The following ADAM32 variants were observed in gnomAD, a reference collection of about 807,000 sequenced individuals.
ADAM32 encodes the protein ADAM metallopeptidase domain 32, also known as disintegrin and metalloproteinase domain-containing protein 32.
In ADAM32, 89 loss-of-function variants were observed where a neutral mutation model predicts 114.9. The ratio of observed to expected loss-of-function variants is 0.77; its 90% CI spans 0.65 to 0.92. The LOEUF (loss-of-function observed/expected upper bound fraction) is 0.92. Ranked by LOEUF, ADAM32 falls within the 40% of genes least tolerant of loss-of-function variation. The probability of loss-of-function intolerance (pLI) is 0.00; values close to 1 mark genes in which losing one functional copy is unlikely to be tolerated. For missense variants in ADAM32, 870 were observed against 932.8 expected, an observed-to-expected ratio of 0.93 and a Z score of 0.88; for synonymous variants, 285 against 307.5, an observed-to-expected ratio of 0.93 and a Z score of 0.77.
Position 39,230,528 on chromosome 8 carries a change from CTT to C in ADAM32, c.1526-1498_1526-1497del, listed in dbSNP as rs562576973. 2.6e-5 allele frequency among the ~76,000 whole-genome samples: 4 copies of C among 152,268 alleles called. No individual in the cohort carries two copies. The South Asian group carries it at 8.3e-4, about 32-fold the overall frequency. On this transcript the variant is annotated intron_variant, in intron 14 of 24. Transcript: ENST00000379907. ...CTAAACTGAATTTTCAAATTCCTTT[CTT>C]CGGATAATCTCTCAGTGTTTAACAA... is the stretch of plus-strand genomic sequence containing the variant.
At chr8:39,181,616 T>A (rs1211629196) in intron 10 of ADAM32, among the ~76,000 whole-genome samples, 1 of 152,232 alleles carries the variant, frequency 6.6e-6, no homozygotes, top group Non-Finnish European at 1.5e-5. Context: ...AAGACTAATG[T>A]ATCATATTTT....
chr8:39,163,902 A>G (rs913008335), intron 7 of ADAM32, among the ~76,000 whole-genome samples: 1 of 152,218 alleles, frequency 6.6e-6, no homozygotes, highest in African/African-American at 2.4e-5. Context: ...GTGATGTACT[A>G]TAGAGAGTTT....
At chr8:39,166,879 G>A (rs1804873674) in intron 9 of ADAM32, 1 of 151,866 alleles carries the variant, frequency 6.6e-6, no homozygotes, top group African/African-American at 2.4e-5. Flanking sequence ...CTTTTTGATG[G>A]GATTGTTTGT....
chr8:39,199,646 A>T (rs1471161210), intron 11 of ADAM32, among the ~76,000 whole-genome samples: 3 of 151,784 alleles, frequency 2.0e-5, no homozygotes, highest in African/African-American at 7.3e-5. Flanking sequence ...TTATACCTTA[A>T]GTTCTAGGGT....
At chr8:39,143,168 G>C (rs916020653) in intron 3 of ADAM32, among the ~76,000 whole-genome samples, 5 of 152,078 alleles carry the variant, frequency 3.3e-5, no homozygotes, top group Admixed American at 6.5e-5. Flanking sequence ...CTTTAGCTTG[G>C]AGAAATTTGT....
At chr8:39,189,692 T>C (rs1395746776) in intron 11 of ADAM32, among the ~76,000 whole-genome samples, 1 of 152,180 alleles carries the variant, frequency 6.6e-6, no homozygotes, top group Non-Finnish European at 1.5e-5. Flanking sequence ...TACTTTGCTA[T>C]TGAACACTAG....
chr8:39,280,151 A>AT (rs1158239133), intron 22 of ADAM32, among the ~76,000 whole-genome samples: 3 of 152,204 alleles, frequency 2.0e-5, no homozygotes, highest in Non-Finnish European at 2.9e-5. Context: ...AAACTGCTCC[A>AT]TTGCAGCTTT....
chr8:39,215,780 C>A (rs2129448553), intron 12 of ADAM32, among the ~76,000 whole-genome samples: 1 of 151,912 alleles, frequency 6.6e-6, no homozygotes, highest in South Asian at 2.1e-4. Context: ...TTTTTGAATG[C>A]TTGAAGATTT....
At chr8:39,125,546 T>G (rs1802062618) in intron 2 of ADAM32, among the ~76,000 whole-genome samples, 1 of 152,212 alleles carries the variant, frequency 6.6e-6, no homozygotes, top group South Asian at 2.1e-4. Flanking sequence ...TTCTTCATCC[T>G]AGGGGTACTC....
At chr8:39,206,725 A>C (rs1250344403) in intron 11 of ADAM32, among the ~76,000 whole-genome samples, 1 of 152,140 alleles carries the variant, frequency 6.6e-6, no homozygotes, top group African/African-American at 2.4e-5. Flanking sequence ...ACACAACTAC[A>C]TTCCTGGGTC....
At chr8:39,238,147 T>C (rs1390441387) in intron 16 of ADAM32, among the ~76,000 whole-genome samples, 1 of 152,232 alleles carries the variant, frequency 6.6e-6, no homozygotes, top group East Asian at 1.9e-4. Flanking sequence ...TAAACAAGAC[T>C]ATAACCAAGG....
At chr8:39,129,164 A>C (rs1275522454) in intron 2 of ADAM32, among the ~76,000 whole-genome samples, 3 of 151,224 alleles carry the variant, frequency 2.0e-5, no homozygotes, top group African/African-American at 7.3e-5. Context: ...AGTTTCTACA[A>C]ACAGGATCAT....
At chr8:39,131,915 T>C in intron 2 of ADAM32, 1 of 199,710 alleles carries the variant, frequency 5.0e-6, no homozygotes, top group Non-Finnish European at 1.1e-5. Context: ...TTTTTTGAGA[T>C]GGAGTTTCGC....
chr8:39,257,864 A>G (rs1309976376), intron 19 of ADAM32, among the ~76,000 whole-genome samples: 2 of 152,154 alleles, frequency 1.3e-5, no homozygotes, highest in Non-Finnish European at 1.5e-5. Context: ...CTTGCCCACC[A>G]TGGGAAATAA....
chr8:39,246,018 C>T, intron 16 of ADAM32, 65 bp from the exon 17 acceptor site: 1 of 1,217,106 alleles, frequency 8.2e-7, no homozygotes. Context: ...TAATTATTTA[C>T]TGTAATGTTA....
chr8:39,206,319 C>T lies in ADAM32; in HGVS notation c.1053-4825C>T, dbSNP rs920667123. ...AGCCTTCAGGTGGCATAGAAAGGCA[C>T]CAGTGATGGTGGTTTTGAGTGGATT... On this transcript the variant is annotated intron_variant, in intron 11 of 24. Transcript: ENST00000379907. 5.3e-5 allele frequency among the ~76,000 whole-genome samples: 8 copies of T among 152,128 alleles called. 1 individual carries two copies. The highest frequency in any genetic ancestry group is 1.9e-4 in the African/African-American group (8 of 41,414).
At chr8:39,115,763 T>C (rs1840349517) in intron 1 of ADAM32, among the ~76,000 whole-genome samples, 1 of 152,226 alleles carries the variant, frequency 6.6e-6, no homozygotes, top group Non-Finnish European at 1.5e-5. Context: ...CACTTCTCAA[T>C]TTTTGTTTTT....
At chr8:39,254,760 TA>T (rs1312101606) in intron 18 of ADAM32, among the ~76,000 whole-genome samples, 6 of 151,824 alleles carry the variant, frequency 4.0e-5, no homozygotes, top group Non-Finnish European at 5.9e-5. Context: ...TGGATTTTGG[TA>T]ACATGGATAA....
intron 12 of ADAM32, 169 bp from the exon 13 acceptor site, chr8:39,221,441 A>C: frequency 1.8e-6 from 1 of 568,098 alleles, no homozygotes; most frequent in Non-Finnish European, 3.1e-6. Flanking sequence ...TGGTAGTAAA[A>C]GTCCTACATT....
Sources: gnomAD v4.1 joint callset for allele counts (sites outside exome capture counted in the v4.1 genomes callset) on GRCh38, gnomAD v4.1.1 for gene constraint, MANE v1.5 for transcripts, NCBI Gene and HGNC (gene_info 2026-07-23, HGNC 2026-07-21) for gene names.